The following NAALADL2 variants were observed in gnomAD, a reference collection of about 807,000 sequenced individuals.
The protein encoded by NAALADL2 is inactive N-acetylated-alpha-linked acidic dipeptidase-like protein 2.
In NAALADL2, 76 loss-of-function variants were observed where a neutral mutation model predicts 87.2. The ratio of observed to expected loss-of-function variants is 0.87; its 90% CI spans 0.72 to 1.05. The LOEUF is 1.05. NAALADL2 is among the 50% of genes least tolerant of loss of function. The probability of loss-of-function intolerance (pLI) is 0.00; values close to 1 mark genes in which losing one functional copy is unlikely to be tolerated. For synonymous variants in NAALADL2, 354 were observed against 331.0 expected, an observed-to-expected ratio of 1.07 and a Z score of -0.75; for missense variants, 1,089 against 945.8, an observed-to-expected ratio of 1.15 and a Z score of -1.99.
intron 11 of NAALADL2, among the ~76,000 whole-genome samples, chr3:175,657,402 A>G (rs1731617766): frequency 6.6e-6 from 1 of 152,128 alleles, no homozygotes; most frequent in African/African-American, 2.4e-5. Flanking sequence ...ATTTTCGTAA[A>G]AATCATTTTT....
At chr3:174,883,902 C>A (rs925937511) in intron 1 of NAALADL2, among the ~76,000 whole-genome samples, 7 of 152,128 alleles carry the variant, frequency 4.6e-5, no homozygotes, top group Non-Finnish European at 1.5e-5. Flanking sequence ...CCCTAATGGG[C>A]CTCCTGTATT....
chr3:175,706,530 C>A (rs1327189187), intron 11 of NAALADL2, among the ~76,000 whole-genome samples: 1 of 152,062 alleles, frequency 6.6e-6, no homozygotes, highest in Non-Finnish European at 1.5e-5. Flanking sequence ...TTTTGGACCA[C>A]AGTTAACCAT....
chr3:175,614,448 A>G (rs1254726522), intron 10 of NAALADL2, among the ~76,000 whole-genome samples: 1 of 152,204 alleles, frequency 6.6e-6, no homozygotes, highest in Non-Finnish European at 1.5e-5. Flanking sequence ...TTAAATTATA[A>G]TACATATTTT....
chr3:174,997,067 T>TAA, intron 1 of NAALADL2, among the ~76,000 whole-genome samples: 1 of 150,104 alleles, frequency 6.7e-6, no homozygotes, highest in African/African-American at 2.4e-5. Flanking sequence ...TATTTTTTTT[T>TAA]TTAATCCACT....
At chr3:175,086,421 A>AG (rs1718922668) in intron 1 of NAALADL2, among the ~76,000 whole-genome samples, 1 of 152,148 alleles carries the variant, frequency 6.6e-6, no homozygotes, top group Non-Finnish European at 1.5e-5. Flanking sequence ...AGAAACAAAA[A>AG]AAAAGAAACG....
chr3:175,008,305 CA>C (rs1323095862), intron 1 of NAALADL2, among the ~76,000 whole-genome samples: 7 of 152,102 alleles, frequency 4.6e-5, no homozygotes, highest in African/African-American at 1.7e-4. Flanking sequence ...TGCTTGAGCG[CA>C]GGAGTTCGAG....
intron 1 of NAALADL2, among the ~76,000 whole-genome samples, chr3:174,540,184 G>A (rs1247771983): frequency 6.6e-6 from 1 of 152,060 alleles, no homozygotes; most frequent in East Asian, 1.9e-4. Flanking sequence ...ATTCTAGTAA[G>A]AGGGGGAAAA....
intron 5 of NAALADL2, among the ~76,000 whole-genome samples, chr3:175,340,385 A>G (rs142093095): frequency 1.4e-3 from 216 of 152,280 alleles, no homozygotes; most frequent in Middle Eastern, 3.4e-3. Context: ...AAGGACAGAG[A>G]TAAGTGAGAT....
intron 4 of NAALADL2, among the ~76,000 whole-genome samples, chr3:175,274,980 A>C (rs1207933531): frequency 6.6e-6 from 1 of 152,202 alleles, no homozygotes; most frequent in African/African-American, 2.4e-5. Context: ...ATGAATTCTA[A>C]GAGGTATAAT....
chr3:175,360,725 A>C (rs889549147), intron 5 of NAALADL2, among the ~76,000 whole-genome samples: 7 of 151,522 alleles, frequency 4.6e-5, no homozygotes, highest in African/African-American at 1.7e-4. Context: ...TATGACACTC[A>C]TTGGTATAAC....
At chr3:175,373,239 G>T (rs1159754858) in intron 5 of NAALADL2, among the ~76,000 whole-genome samples, 1 of 152,160 alleles carries the variant, frequency 6.6e-6, no homozygotes, top group East Asian at 1.9e-4. Context: ...AGTGTAAACA[G>T]TTGTATAATC....
chr3:174,608,090 C>T (rs543487409), intron 2 of NAALADL2, among the ~76,000 whole-genome samples: 1 of 151,870 alleles, frequency 6.6e-6, no homozygotes, highest in African/African-American at 2.4e-5. Flanking sequence ...GAAATGAAGG[C>T]AGAAATAAAG....
intron 5 of NAALADL2, among the ~76,000 whole-genome samples, chr3:175,333,441 G>A (rs1416242492): frequency 6.6e-6 from 1 of 152,068 alleles, no homozygotes; most frequent in South Asian, 2.1e-4. Context: ...CAAGGTGCTT[G>A]GATAAATAAA....
rs143616696 is a variant in NAALADL2, at chr3:174,698,144, G to A, written c.-114-39497G>A. ...TAAAACCGATAAAAATAAATGTATT[G>A]TGTAATATATAATGTTATTTTCCTG... On this transcript the variant is annotated intron_variant, in intron 2 of 3. Transcript: ENST00000434257. 8.1e-4 allele frequency among the ~76,000 whole-genome samples: 123 copies of A among 152,216 alleles called. No homozygotes were observed. In the East Asian group the frequency reaches 0.019, roughly 24 times the overall value.
chr3:175,344,822 C>T (rs114559606), intron 5 of NAALADL2, among the ~76,000 whole-genome samples: 3,832 of 152,120 alleles, frequency 0.025, 143 homozygotes, highest in African/African-American at 0.087. Context: ...TTATTAACTA[C>T]ATTAGAAATA....
At chr3:175,705,974 T>G (rs1302674848) in intron 11 of NAALADL2, among the ~76,000 whole-genome samples, 1 of 152,166 alleles carries the variant, frequency 6.6e-6, no homozygotes, top group Non-Finnish European at 1.5e-5. Flanking sequence ...CATGGCATTT[T>G]CGGCTTAATC....
intron 2 of NAALADL2, among the ~76,000 whole-genome samples, chr3:174,728,819 G>A (rs1298012250): frequency 6.6e-6 from 1 of 152,008 alleles, no homozygotes; most frequent in Admixed American, 6.6e-5. Context: ...CGAAACCACA[G>A]ACATGAGTTT....
rs58734561 is a variant in NAALADL2 at position 175,160,000 on chromosome 3, C to CTTTTT, written c.545+62717_545+62721dup. On this transcript the variant is annotated intron_variant, in intron 2 of 13. Coordinates refer to ENST00000454872, the MANE Select transcript of NAALADL2 (RefSeq NM_207015.3). The stretch of plus-strand genomic sequence containing the variant: ...TACAGGCGTGTGCTACCACTCGTGA[C>CTTTTT]TTTTTTTTTTTTACTTTTAGTAGAG... Among the ~76,000 whole-genome samples, 2 of 134,120 alleles carry CTTTTT rather than the reference C, an allele frequency of 1.5e-5. 1 individual carries two copies. The highest frequency in any genetic ancestry group is 3.2e-5 in the Non-Finnish European group (2 of 62,386). The allele number at this position is 134,120 out of a possible 152,430, so 88.0% of individuals were successfully genotyped here.
At chr3:175,355,359 C>T (rs1261344225) in intron 5 of NAALADL2, among the ~76,000 whole-genome samples, 3 of 152,078 alleles carry the variant, frequency 2.0e-5, no homozygotes, top group African/African-American at 4.8e-5. Flanking sequence ...TGTTAGACAC[C>T]GCGCCCAGCC....
Sources: gnomAD v4.1 joint callset for allele counts (sites outside exome capture counted in the v4.1 genomes callset) on GRCh38, gnomAD v4.1.1 for gene constraint, MANE v1.5 for transcripts, NCBI Gene and HGNC (gene_info 2026-07-23, HGNC 2026-07-21) for gene names.